NSMF: variants seen among roughly 807,000 people sequenced by gnomAD.
NSMF encodes NMDA receptor synaptonuclear signaling and neuronal migration factor, also known as nasal embryonic LHRH factor.
Under a neutral mutation model 71.0 loss-of-function variants are expected in NSMF, and 31 were observed. That is an observed-to-expected ratio of 0.44 (90% CI 0.33 to 0.59). The LOEUF (loss-of-function observed/expected upper bound fraction) is 0.59, where lower values mean the gene tolerates loss of function less well. Ranked by LOEUF, NSMF falls within the 20% of genes least tolerant of loss-of-function variation. The pLI is 0.04. For synonymous variants in NSMF, 345 were observed against 287.1 expected (o/e 1.20, Z -2.04); for missense variants, 673 against 740.5 (o/e 0.91, Z 1.06).
Position 137,455,320 on chromosome 9 carries a change from C to T in NSMF, c.711-13G>A, listed in dbSNP as rs753399938. The T allele has an allele frequency of 6.2e-6, 10 of 1,612,460 alleles. No individual in the cohort carries two copies. The highest frequency in any genetic ancestry group is 5.0e-5 in the Admixed American group (3 of 60,000). On this transcript the variant is annotated splice_polypyrimidine_tract_variant and intron_variant, in intron 5 of 15. Coordinates refer to ENST00000371475, the MANE Select transcript of NSMF (RefSeq NM_001130969.3). Reference sequence around the variant, plus strand: ...GCCCCTGAACACCCTGGGAAACCACCGCGAGTCAGCACTGCCCTTGGCCGG... The same window carrying T: ...GCCCCTGAACACCCTGGGAAACCACTGCGAGTCAGCACTGCCCTTGGCCGG...
chr9:137,453,313 G>T lies in NSMF; in HGVS notation c.923-133C>A. 1 of 1,296,742 alleles carries T rather than the reference G, an allele frequency of 7.7e-7. No homozygotes were observed. Among genetic ancestry groups the T allele is most frequent in the Non-Finnish European group, 1.1e-6 (1 of 932,510 alleles). The allele number at this position is 1,296,742 out of a possible 1,614,324, so 80.3% of individuals were successfully genotyped here. Reference sequence around the variant, plus strand: ...AAGCAAGTGGGAGGACCATACAGAGGTCGCCGCCAGCCCGGCAGGACAGGC... The same window carrying T: ...AAGCAAGTGGGAGGACCATACAGAGTTCGCCGCCAGCCCGGCAGGACAGGC... On this transcript the variant is annotated intron_variant, in intron 8 of 15. Transcript: ENST00000371475. This position sits in a 1 kb window ranked among gnomAD's most constrained non-coding sequence, Gnocchi z 4.5.
chr9:137,455,332 C>T, intron 5 of NSMF, 25 bp from the exon 6 acceptor site: 3 of 1,611,916 alleles, frequency 1.9e-6, no homozygotes, highest in Non-Finnish European at 2.5e-6. Context: ...CGAGTCAGCA[C>T]TGCCCTTGGC....
intron 5 of NSMF, 128 bp from the exon 6 acceptor site, chr9:137,455,435 G>C (rs1363029074): frequency 5.1e-6 from 6 of 1,181,048 alleles, no homozygotes; most frequent in African/African-American, 3.0e-5. Context: ...AGGAGTCCCA[G>C]CCTGCCTCAC....
At chr9:137,456,277 G>T in intron 4 of NSMF, 134 bp downstream of exon 4, 1 of 790,922 alleles carries the variant, frequency 1.3e-6, no homozygotes, top group Non-Finnish European at 2.2e-6. Flanking sequence ...GGCAGGCCTG[G>T]CACAGCATAG....
Position 137,457,577 on chromosome 9 carries a change from G to A in NSMF, c.458C>T (p.Pro153Leu). ...PGGSREDVSRPCQSWAGSRQG... is the reference protein window; with the variant it reads ...PGGSREDVSRLCQSWAGSRQG... ...GCGGCTGCCCGCCCAGCTCTGGCAG[G>A]GCCTGCTGACGTCCTCCCGGCTGCC... Residue 153 changes from proline to leucine, a missense_variant, in exon 3 of 16, where the codon CCC becomes CTC. Around this residue, in one of 2 missense-constraint regions of NSMF, gnomAD observed 471 missense variants for 459.6 expected, o/e 1.02. Transcript: ENST00000371475. 6.4e-7 allele frequency: 1 copy of A among 1,572,972 alleles called. No individual in the cohort carries two copies. Among genetic ancestry groups the A allele is most frequent in the East Asian group, 2.4e-5 (1 of 41,932 alleles).
Position 137,450,367 on chromosome 9 carries a change from TTCTTCCCCTTGATCTCCCCCACCACACG to T in NSMF, c.1237-140_1237-113del, listed in dbSNP as rs1220635532. 33 of 762,566 alleles carry T rather than the reference TTCTTCCCCTTGATCTCCCCCACCACACG, an allele frequency of 4.3e-5. No homozygotes were observed. In the Middle Eastern group the frequency reaches 7.4e-4, roughly 17 times the overall value. 47.2% of individuals were successfully genotyped at this position (762,566 alleles called of 1,614,324 possible). On this transcript the variant is annotated intron_variant, in intron 12 of 15. Coordinates refer to ENST00000371475, the MANE Select transcript of NSMF (RefSeq NM_001130969.3). ...TTTGGTCTTCATCCCCCGGCCACGC[TTCTTCCCCTTGATCTCCCCCACCACACG>T]TCTTTCCCTTGATCTCCCCCACCAC... is the stretch of plus-strand genomic sequence containing the variant.
rs534515235 is a variant in NSMF, at chr9:137,450,268, G to A, written c.1237-13C>T. ...GTCCAGGACCTCCCTGTAAGAAGCT[G>A]TGGTCAGGCATCTGCTCCTCCTTCC... is the stretch of plus-strand genomic sequence containing the variant. On this transcript the variant is annotated splice_polypyrimidine_tract_variant and intron_variant, in intron 12 of 15. Transcript: ENST00000371475. 4.4e-5 allele frequency: 71 copies of A among 1,609,114 alleles called. 2 individuals are homozygous for A. The South Asian group carries it at 7.6e-4, about 17-fold the overall frequency.
In NSMF at chr9:137,452,790, C is replaced by T. The variant is rs1020203159; in HGVS notation, c.1077G>A (p.Glu359=). The T allele has an allele frequency of 8.1e-6, 13 of 1,606,172 alleles. No individual in the cohort carries two copies. The highest frequency in any genetic ancestry group is 1.1e-5 in the Non-Finnish European group (13 of 1,177,550). ...MLISSKVPKA[E]YIPTIIRRDD... The stretch of plus-strand genomic sequence containing the variant: ...CCCGGCGGATGATAGTGGGGATGTA[C>T]TCAGCCTTGGGCACCTTGGAGGAAA... Residue 359 remains glutamate, a synonymous_variant, in exon 10 of 16, where the codon GAG becomes GAA. Transcript: ENST00000371475.
intron 12 of NSMF, among the ~76,000 whole-genome samples, 181 bp from the exon 13 acceptor site, chr9:137,450,436 G>A (rs1474649197): frequency 1.4e-5 from 1 of 69,578 alleles, no homozygotes; most frequent in Non-Finnish European, 2.7e-5. Context: ...TCTTCCCTTT[G>A]ATCTCCCCCC....
chr9:137,449,691 G>A lies in NSMF; in HGVS notation c.1420-17C>T. On this transcript the variant is annotated splice_polypyrimidine_tract_variant and intron_variant, in intron 14 of 15. Coordinates refer to ENST00000371475, the MANE Select transcript of NSMF (RefSeq NM_001130969.3). Reference sequence around the variant, plus strand: ...CTGGAACAGCTGGAGGAAGCGGGGTGCCATGAGTCCGAGGCAGAGAGATGG... The same window carrying A: ...CTGGAACAGCTGGAGGAAGCGGGGTACCATGAGTCCGAGGCAGAGAGATGG... 6.2e-7 allele frequency: 1 copy of A among 1,607,928 alleles called. No homozygotes were observed. The highest frequency in any genetic ancestry group is 1.1e-5 in the South Asian group (1 of 90,578).
At chr9:137,456,300 G>T in intron 4 of NSMF, 111 bp downstream of exon 4, 2 of 917,784 alleles carry the variant, frequency 2.2e-6, no homozygotes, top group South Asian at 1.3e-5. Flanking sequence ...ACGTGGGTCT[G>T]TTCAGAAGCA....
intron 9 of NSMF, 110 bp downstream of exon 9, chr9:137,452,940 ACCCTCC>A: frequency 6.4e-7 from 1 of 1,565,870 alleles, no homozygotes; most frequent in Non-Finnish European, 8.7e-7. Context: ...CCTGTGAGAC[ACCCTCC>A]CCCAGGCAGC....
rs1229129425 is a variant in NSMF at position 137,453,741 on chromosome 9, G to C, written c.912C>G (p.Asp304Glu). The change falls in exon 8 of 16, where the codon GAC becomes GAG. Residue 304 changes from aspartate to glutamate, a missense_variant. This residue lies in a region of NSMF where 471 missense variants were observed against 459.6 expected (regional missense o/e 1.02). Coordinates refer to ENST00000371475, the MANE Select transcript of NSMF (RefSeq NM_001130969.3). This position sits in a 1 kb window ranked among gnomAD's most constrained non-coding sequence, Gnocchi z 4.5. ...GTGCGGGGCACCTACTGTCTCGGGA[G>C]TCGTGGGAAGTGTCGGCTTTCATGG... ...PTPMKADTSH[D>E]SRDSSDLQSS... The C allele has an allele frequency of 6.2e-7, 1 of 1,601,790 alleles. No individual in the cohort carries two copies. The highest frequency in any genetic ancestry group is 8.5e-7 in the Non-Finnish European group (1 of 1,178,168).
chr9:137,453,243 C>T lies in NSMF; in HGVS notation c.923-63G>A. On this transcript the variant is annotated intron_variant, in intron 8 of 15. Transcript: ENST00000371475. This position sits in a 1 kb window ranked among gnomAD's most constrained non-coding sequence, Gnocchi z 4.5. ...CAGCACCTCCTATCCTGGCCATGGC[C>T]CCAAGGCCCACAGGGCCCGAAAGCC... 10 of 1,604,538 alleles carry T rather than the reference C, an allele frequency of 6.2e-6. No homozygotes were observed. The South Asian group carries it at 6.6e-5, about 11-fold the overall frequency.
Position 137,453,843 on chromosome 9 carries a change from T to C in NSMF, c.833-23A>G, listed in dbSNP as rs1274368840. ...ACGCTGCAGAGAGCAAAACCCGCAT[T>C]AGCGAGCGGGTGGGGCGGGGCCTCG... On this transcript the variant is annotated intron_variant, in intron 7 of 15. Coordinates refer to ENST00000371475, the MANE Select transcript of NSMF (RefSeq NM_001130969.3). This position sits in a 1 kb window ranked among gnomAD's most constrained non-coding sequence, Gnocchi z 4.5. The C allele has an allele frequency of 2.4e-5, 37 of 1,562,266 alleles. No individual in the cohort carries two copies. The highest frequency in any genetic ancestry group is 3.1e-5 in the Non-Finnish European group (36 of 1,160,652).
chr9:137,448,132 G>A lies in NSMF; in HGVS notation c.*1262C>T, dbSNP rs1839693864. ...AGCTCCAACTCTGTCCAGGCAGGAA[G>A]GCCCTGCAGCAGTGACCTCACAGGA... On this transcript the variant is annotated 3_prime_UTR_variant, in exon 16 of 16. Transcript: ENST00000371475. The surrounding 1 kb of genome is among the most constrained non-coding windows in gnomAD (Gnocchi z 5.3). The A allele has an allele frequency of 6.5e-6, 1 of 152,704 alleles. No individual in the cohort carries two copies. Among genetic ancestry groups the A allele is most frequent in the Non-Finnish European group, 1.5e-5 (1 of 68,260 alleles). 9.5% of individuals were successfully genotyped at this position (152,704 alleles called of 1,614,324 possible). A position where few individuals can be genotyped will look rare whatever the true frequency, so the allele number is the denominator to read the frequency against.
At chr9:137,457,978 A>G in intron 2 of NSMF, 77 bp from the exon 3 acceptor site, 1 of 1,531,614 alleles carries the variant, frequency 6.5e-7, no homozygotes. Context: ...CCGAAGGCAG[A>G]GAACACCCAG....
In NSMF at chr9:137,452,452, G is replaced by A. The variant is rs201647313; in HGVS notation, c.1166-17C>T. On this transcript the variant is annotated splice_polypyrimidine_tract_variant and intron_variant, in intron 11 of 15. Transcript: ENST00000371475. The stretch of plus-strand genomic sequence containing the variant: ...CTATCTCCTCTGTGGGAGAGCGGGT[G>A]TGAGTGCTGCGGCCCCCACCCCAGC... 5 of 1,612,344 alleles carry A rather than the reference G, an allele frequency of 3.1e-6. No homozygotes were observed. In the East Asian group the frequency reaches 6.7e-5, roughly 22 times the overall value.
chr9:137,457,595 C>A lies in NSMF; in HGVS notation c.440G>T (p.Arg147Leu), dbSNP rs1332512759. Residue 147 changes from arginine to leucine, a missense_variant, in exon 3 of 16, where the codon CGG becomes CTG. By Grantham distance (102) the Arg-to-Leu change is moderately radical. Around this residue, in one of 2 missense-constraint regions of NSMF, gnomAD observed 471 missense variants for 459.6 expected, o/e 1.02. Transcript: ENST00000371475. Reference protein sequence around the residue: ...QPLRASPGGSREDVSRPCQSW... With the variant: ...QPLRASPGGSLEDVSRPCQSW... ...CTGGCAGGGCCTGCTGACGTCCTCC[C>A]GGCTGCCACCAGGGCTGGCGCGCAG... 6.4e-7 allele frequency: 1 copy of A among 1,559,236 alleles called. No individual in the cohort carries two copies. Among genetic ancestry groups the A allele is most frequent in the Non-Finnish European group, 8.7e-7 (1 of 1,151,920 alleles).
Sources: allele counts gnomAD v4.1 joint callset (sites outside exome capture counted in the v4.1 genomes callset), GRCh38; gene constraint gnomAD v4.1.1; regional missense constraint gnomAD v4.1.1; non-coding constraint Gnocchi (gnomAD v3.1); transcripts MANE v1.5; gene names NCBI Gene and HGNC (gene_info 2026-07-23, HGNC 2026-07-21).